MACROD2: variants seen among roughly 807,000 people sequenced by gnomAD.
MACROD2 encodes ADP-ribose glycohydrolase MACROD2.
In MACROD2, 36 loss-of-function variants were observed where a neutral mutation model predicts 70.4. The ratio of observed to expected loss-of-function variants is 0.51; its 90% CI spans 0.39 to 0.68. MACROD2 has a LOEUF of 0.68. Ranked by LOEUF, MACROD2 falls within the 30% of genes least tolerant of loss-of-function variation. The probability of loss-of-function intolerance (pLI) is 0.00; values close to 1 mark genes in which losing one functional copy is unlikely to be tolerated. For missense variants in MACROD2, 496 were observed against 538.4 expected (o/e 0.92, Z 0.78); for synonymous variants, 172 against 178.8 (o/e 0.96, Z 0.30).
intron 4 of MACROD2, among the ~76,000 whole-genome samples, chr20:14,542,856 A>G (rs1420070776): frequency 6.6e-6 from 1 of 152,240 alleles, no homozygotes; most frequent in Non-Finnish European, 1.5e-5. Flanking sequence ...CTGCAATTAA[A>G]TATGACAATT....
intron 5 of MACROD2, among the ~76,000 whole-genome samples, chr20:14,797,425 A>ACT (rs2072523269): frequency 6.6e-6 from 1 of 150,562 alleles, no homozygotes; most frequent in South Asian, 2.1e-4. Flanking sequence ...CTCTGTCCCC[A>ACT]CTCTCTCTCT....
At chr20:15,018,914 A>G (rs559248105) in intron 5 of MACROD2, among the ~76,000 whole-genome samples, 2 of 152,296 alleles carry the variant, frequency 1.3e-5, no homozygotes, top group East Asian at 3.9e-4. Flanking sequence ...TTTGCTTTCT[A>G]CCATGAGTAA....
At chr20:14,421,565 T>TG (rs1231890822) in intron 3 of MACROD2, among the ~76,000 whole-genome samples, 1 of 152,200 alleles carries the variant, frequency 6.6e-6, no homozygotes, top group Admixed American at 6.5e-5. Flanking sequence ...CAACAGCACT[T>TG]GCTTTTGGTG....
At chr20:15,088,841 TAGG>T (rs929297331) in intron 5 of MACROD2, among the ~76,000 whole-genome samples, 5 of 151,938 alleles carry the variant, frequency 3.3e-5, no homozygotes, top group Admixed American at 1.3e-4. Flanking sequence ...TAGAACCTCT[TAGG>T]AGGAGAGTGG....
At chr20:14,858,915 A>G (rs2073284292) in intron 5 of MACROD2, among the ~76,000 whole-genome samples, 1 of 152,188 alleles carries the variant, frequency 6.6e-6, no homozygotes, top group Non-Finnish European at 1.5e-5. Context: ...AGGGGAAAAG[A>G]GGCAGAACAT....
intron 4 of MACROD2, among the ~76,000 whole-genome samples, chr20:14,586,508 A>G (rs1010958895): frequency 1.3e-5 from 2 of 152,072 alleles, no homozygotes; most frequent in African/African-American, 2.4e-5. Flanking sequence ...TTCAATATCA[A>G]AAGACGAAGA....
At chr20:15,622,033 G>A (rs1157782131) in intron 8 of MACROD2, among the ~76,000 whole-genome samples, 3 of 152,214 alleles carry the variant, frequency 2.0e-5, no homozygotes, top group Non-Finnish European at 4.4e-5. Context: ...TGCTGGGGCT[G>A]CTAATGGTGG....
chr20:15,576,435 T>C (rs895388716), intron 8 of MACROD2, among the ~76,000 whole-genome samples: 2 of 152,230 alleles, frequency 1.3e-5, no homozygotes, highest in Admixed American at 1.3e-4. Context: ...GCTAAAGTCA[T>C]TTCATTTTCT....
At chr20:14,063,417 C>T (rs1337629930) in intron 2 of MACROD2, among the ~76,000 whole-genome samples, 2 of 152,194 alleles carry the variant, frequency 1.3e-5, no homozygotes, top group African/African-American at 4.8e-5. Flanking sequence ...ATTTTAGGCA[C>T]ATCCATATGC....
At chr20:14,566,397 C>G (rs1600393483) in intron 4 of MACROD2, among the ~76,000 whole-genome samples, 1 of 151,638 alleles carries the variant, frequency 6.6e-6, no homozygotes, top group East Asian at 1.9e-4. Context: ...TATAAATAGC[C>G]AATGCACTCC....
At chr20:14,732,798 G>A (rs576194414) in intron 5 of MACROD2, among the ~76,000 whole-genome samples, 1 of 152,064 alleles carries the variant, frequency 6.6e-6, no homozygotes, top group African/African-American at 2.4e-5. Flanking sequence ...TTTGATTAAA[G>A]CTTCTAGGCC....
intron 10 of MACROD2, among the ~76,000 whole-genome samples, chr20:15,910,393 C>CGTGT (rs1568634216): frequency 0.02 from 2,143 of 105,764 alleles, 40 homozygotes; most frequent in African/African-American, 0.048. Flanking sequence ...AGTCAGAGGA[C>CGTGT]ATGTGTGTGT....
intron 15 of MACROD2, among the ~76,000 whole-genome samples, chr20:15,991,224 T>C (rs1302154619): frequency 6.6e-6 from 1 of 152,244 alleles, no homozygotes; most frequent in East Asian, 1.9e-4. Flanking sequence ...TCTTAGTCCA[T>C]GTGGGAAACA....
Position 14,058,519 on chromosome 20 carries a change from C to CT in MACROD2, c.164-27095dup, listed in dbSNP as rs1377751618. ...CATTTGTTGATTATATCTTTGCCCTCTTTTTTTAAAAAATTTTTCCTTATG... is the reference window on the plus strand; with the variant it reads ...CATTTGTTGATTATATCTTTGCCCTCTTTTTTTTAAAAAATTTTTCCTTATG... On this transcript the variant is annotated intron_variant, in intron 2 of 17. Transcript: ENST00000684519. Among the ~76,000 whole-genome samples, 12 of 151,084 alleles carry CT rather than the reference C, an allele frequency of 7.9e-5. No homozygotes were observed. In the East Asian group the frequency reaches 2.1e-3, roughly 27 times the overall value.
At chr20:14,138,763 CCACA>C (rs11469437) in intron 3 of MACROD2, among the ~76,000 whole-genome samples, 5,608 of 147,042 alleles carry the variant, frequency 0.038, 129 homozygotes, top group Admixed American at 0.072. Flanking sequence ...CTTAAGTTTT[CCACA>C]CACACACACA....
intron 3 of MACROD2, among the ~76,000 whole-genome samples, chr20:14,330,142 C>T (rs1742790260): frequency 6.6e-6 from 1 of 152,002 alleles, no homozygotes; most frequent in African/African-American, 2.4e-5. Flanking sequence ...GCATTTCTCT[C>T]TAGGTTCATA....
chr20:14,589,466 G>A (rs1474087939), intron 4 of MACROD2, among the ~76,000 whole-genome samples: 1 of 152,022 alleles, frequency 6.6e-6, no homozygotes, highest in Non-Finnish European at 1.5e-5. Context: ...ATTACATTTG[G>A]TAGCAATGTT....
chr20:14,090,746 A>G (rs1285021816), intron 3 of MACROD2, among the ~76,000 whole-genome samples: 1 of 152,180 alleles, frequency 6.6e-6, no homozygotes, highest in Non-Finnish European at 1.5e-5. Context: ...TATCCCTTTG[A>G]CATACTTTTC....
intron 5 of MACROD2, among the ~76,000 whole-genome samples, chr20:14,831,590 C>A (rs1246780312): frequency 6.6e-6 from 1 of 151,408 alleles, no homozygotes; most frequent in African/African-American, 2.4e-5. Context: ...ACCAGCCTGG[C>A]CAACATGGCG....
Sources: gnomAD v4.1 joint callset for allele counts (sites outside exome capture counted in the v4.1 genomes callset) on GRCh38, gnomAD v4.1.1 for gene constraint, MANE v1.5 for transcripts, NCBI Gene and HGNC (gene_info 2026-07-23, HGNC 2026-07-21) for gene names.